The following RBFOX2 variants were observed in gnomAD, a reference collection of about 807,000 sequenced individuals.
RBFOX2 encodes RNA binding fox-1 homolog 2, also known as RNA binding protein fox-1 homolog 2.
A neutral mutation model predicts 49.1 loss-of-function variants in RBFOX2; 10 were observed. The ratio of observed to expected loss-of-function variants is 0.20; its 90% CI spans 0.13 to 0.35. The LOEUF is 0.35. RBFOX2 is among the 10% of genes least tolerant of loss of function. The pLI, the probability that RBFOX2 is intolerant of heterozygous loss-of-function variation, is 1.00. For missense variants in RBFOX2, 323 were observed against 486.9 expected (o/e 0.66, Z 3.17); for synonymous variants, 183 against 187.4 (o/e 0.98, Z 0.19).
chr22:36,013,124 C>T (rs141938750), intron 1 of RBFOX2, among the ~76,000 whole-genome samples: 66 of 152,116 alleles, frequency 4.3e-4, no homozygotes, highest in African/African-American at 1.6e-3. Context: ...CAGATTTTTC[C>T]TTAGCTGGGC....
At chr22:35,776,156 T>C (rs2146954024) in intron 4 of RBFOX2, among the ~76,000 whole-genome samples, 1 of 152,294 alleles carries the variant, frequency 6.6e-6, no homozygotes, top group South Asian at 2.1e-4. Flanking sequence ...TTCATGTGCT[T>C]CTTATCTCTA....
intron 1 of RBFOX2, among the ~76,000 whole-genome samples, chr22:35,854,550 T>C (rs376916269): frequency 1.3e-5 from 2 of 151,660 alleles, no homozygotes; most frequent in South Asian, 4.2e-4. Context: ...GTTATGATCA[T>C]GCCACTGTAC....
At chr22:35,810,837 C>T (rs1951735801) in intron 1 of RBFOX2, among the ~76,000 whole-genome samples, 1 of 152,056 alleles carries the variant, frequency 6.6e-6, no homozygotes. Context: ...ATATCCAAAA[C>T]CCCCAAAAGT....
intron 9 of RBFOX2, among the ~76,000 whole-genome samples, 172 bp from the exon 11 acceptor site, chr22:35,756,316 C>G (rs938111232): frequency 2.0e-5 from 3 of 152,030 alleles, no homozygotes; most frequent in African/African-American, 7.2e-5. Flanking sequence ...AAAGTGCACA[C>G]GAAGGTTACA....
At chr22:35,938,804 CCA>C (rs1287653481) in intron 1 of RBFOX2, 41 bp downstream of exon 2, 3 of 1,569,658 alleles carry the variant, frequency 1.9e-6, no homozygotes, top group Non-Finnish European at 8.8e-7. Context: ...ATGAAACACA[CCA>C]CACACATACA....
chr22:35,785,057 G>C (rs1946108887), intron 2 of RBFOX2, among the ~76,000 whole-genome samples: 1 of 152,018 alleles, frequency 6.6e-6, no homozygotes, highest in Non-Finnish European at 1.5e-5. Context: ...AAGTATAATA[G>C]CGAGATCAAA....
At chr22:35,933,491 T>C (rs2052660896) in intron 1 of RBFOX2, among the ~76,000 whole-genome samples, 1 of 152,200 alleles carries the variant, frequency 6.6e-6, no homozygotes, top group Non-Finnish European at 1.5e-5. Flanking sequence ...GAACATCCCT[T>C]ACTTGGTTAG....
At chr22:35,840,820 A>C, upstream of RBFOX2, among the ~76,000 whole-genome samples, 1 of 152,390 alleles carries the variant, frequency 6.6e-6, no homozygotes, top group Non-Finnish European at 1.5e-5. Flanking sequence ...AAATGAAACA[A>C]AATTATTTTT....
chr22:35,935,410 G>A (rs1415905353), intron 1 of RBFOX2, among the ~76,000 whole-genome samples: 4 of 152,192 alleles, frequency 2.6e-5, no homozygotes, highest in African/African-American at 2.4e-5. Context: ...CTTCTTAATA[G>A]ATCAAGAAAG....
intron 1 of RBFOX2, among the ~76,000 whole-genome samples, chr22:36,027,713 T>C (rs1203187108): frequency 2.0e-5 from 3 of 152,140 alleles, no homozygotes; most frequent in South Asian, 4.1e-4. Flanking sequence ...ACACTCTGTG[T>C]GATTTAACCC....
At chr22:35,986,910 CCATAAA>C (rs2057748794) in intron 1 of RBFOX2, among the ~76,000 whole-genome samples, 1 of 151,942 alleles carries the variant, frequency 6.6e-6, no homozygotes. Context: ...TACTCAGTCA[CCATAAA>C]CTCTTACTTC....
intron 1 of RBFOX2, among the ~76,000 whole-genome samples, chr22:35,945,597 C>T (rs1446406302): frequency 6.6e-6 from 1 of 152,262 alleles, no homozygotes; most frequent in East Asian, 1.9e-4. Context: ...TGTGCCACTA[C>T]ACCCGGCTAA....
intron 3 of RBFOX2, among the ~76,000 whole-genome samples, chr22:35,780,445 G>A (rs528296779): frequency 5.5e-4 from 83 of 151,654 alleles, no homozygotes; most frequent in Non-Finnish European, 9.9e-4. Context: ...ATAACAAGCA[G>A]GCTCAGAAAA....
At chr22:35,838,264 C>T (rs1483790572) in intron 1 of RBFOX2, among the ~76,000 whole-genome samples, 1 of 142,676 alleles carries the variant, frequency 7.0e-6, no homozygotes, top group Non-Finnish European at 1.5e-5. Context: ...TATTTCTTTT[C>T]TTTTTTTTTT....
intron 1 of RBFOX2, chr22:35,897,723 G>T: frequency 2.3e-6 from 2 of 862,832 alleles, no homozygotes; most frequent in South Asian, 1.3e-5. Flanking sequence ...AGGAAACAAG[G>T]GGTATAGCAC....
intron 1 of RBFOX2, among the ~76,000 whole-genome samples, chr22:35,881,727 G>A (rs760389407): frequency 2.6e-5 from 4 of 152,022 alleles, no homozygotes; most frequent in South Asian, 2.1e-4. Flanking sequence ...TTGGGAGGCC[G>A]AGGCGGGTGG....
At chr22:35,864,489 T>G (rs2043451025) in intron 1 of RBFOX2, among the ~76,000 whole-genome samples, 1 of 152,212 alleles carries the variant, frequency 6.6e-6, no homozygotes, top group Non-Finnish European at 1.5e-5. Context: ...AAGGTGAACA[T>G]TTGGTACAGG....
intron 4 of RBFOX2, 199 bp downstream of exon 5, chr22:35,777,826 C>G: frequency 1.7e-6 from 1 of 579,670 alleles, no homozygotes; most frequent in South Asian, 2.4e-5. Context: ...CTTCATCACC[C>G]TTCCACCCCC....
At chr22:35,822,991 T>C in intron 1 of RBFOX2, 1 of 316,074 alleles carries the variant, frequency 3.2e-6, no homozygotes, top group Non-Finnish European at 6.1e-6. Flanking sequence ...GCCTGGCTAA[T>C]TTTTGCATTT....
Sources: gnomAD v4.1 joint callset for allele counts (sites outside exome capture counted in the v4.1 genomes callset) on GRCh38, gnomAD v4.1.1 for gene constraint, MANE v1.5 for transcripts, NCBI Gene and HGNC (gene_info 2026-07-23, HGNC 2026-07-21) for gene names.